EXOC4: variants seen among roughly 807,000 people sequenced by gnomAD.
The protein encoded by EXOC4 is SEC8-like 1.
A neutral mutation model predicts 107.2 loss-of-function variants in EXOC4; 71 were observed. That is an observed-to-expected ratio of 0.66 (90% CI 0.55 to 0.81). The LOEUF (loss-of-function observed/expected upper bound fraction) is 0.81, where lower values mean the gene tolerates loss of function less well. Ranked by LOEUF, EXOC4 falls within the 30% of genes least tolerant of loss-of-function variation. EXOC4 has a pLI of 0.00. For missense variants in EXOC4, 1,108 were observed against 1,189.6 expected (o/e 0.93, Z 1.01); for synonymous variants, 456 against 441.2 (o/e 1.03, Z -0.42).
At position 133,953,444 on chromosome 7, in the gene EXOC4, A is replaced by G. The variant is rs1044000654; in HGVS notation, c.2206+15375A>G. On this transcript the variant is annotated intron_variant, in intron 14 of 17. Transcript: ENST00000253861. ...GAGACCTCATCTCTACAAAAAAGAA[A>G]AAAAAAATTAATTAGCCAGGTGTGG... 2.8e-4 allele frequency among the ~76,000 whole-genome samples: 42 copies of G among 151,828 alleles called. 1 individual carries two copies. The highest frequency in any genetic ancestry group is 9.0e-4 in the African/African-American group (37 of 41,296).
intron 5 of EXOC4, among the ~76,000 whole-genome samples, chr7:133,323,282 C>G (rs1795158006): frequency 6.6e-6 from 1 of 152,172 alleles, no homozygotes; most frequent in Non-Finnish European, 1.5e-5. Flanking sequence ...GCATCGTTTT[C>G]TTGTGCTGGT....
At chr7:133,659,989 T>G (rs1478567450) in intron 10 of EXOC4, among the ~76,000 whole-genome samples, 2 of 152,166 alleles carry the variant, frequency 1.3e-5, no homozygotes, top group African/African-American at 2.4e-5. Context: ...TAGCATCCAT[T>G]TCTCTGAAAC....
At chr7:133,549,646 A>G (rs1464197365) in intron 9 of EXOC4, among the ~76,000 whole-genome samples, 1 of 152,206 alleles carries the variant, frequency 6.6e-6, no homozygotes, top group Non-Finnish European at 1.5e-5. Context: ...GGCTGTTGGA[A>G]AAATGGCACC....
chr7:134,010,785 T>A (rs1458218271), intron 17 of EXOC4, among the ~76,000 whole-genome samples: 2 of 152,262 alleles, frequency 1.3e-5, no homozygotes, highest in African/African-American at 4.8e-5. Context: ...TGTAGTTTTC[T>A]TACCTTCTCA....
At chr7:134,038,380 G>A (rs1195757075) in intron 17 of EXOC4, among the ~76,000 whole-genome samples, 1 of 152,144 alleles carries the variant, frequency 6.6e-6, no homozygotes, top group East Asian at 1.9e-4. Context: ...CCCAAGTGCT[G>A]TATTGATACT....
chr7:133,844,153 G>A (rs1305729875), intron 11 of EXOC4, among the ~76,000 whole-genome samples: 4 of 151,958 alleles, frequency 2.6e-5, no homozygotes, highest in Non-Finnish European at 4.4e-5. Flanking sequence ...CCAGGTTTTG[G>A]TATCAGAATG....
At chr7:133,772,669 A>G (rs1027302338) in intron 10 of EXOC4, among the ~76,000 whole-genome samples, 1 of 152,132 alleles carries the variant, frequency 6.6e-6, no homozygotes, top group Non-Finnish European at 1.5e-5. Flanking sequence ...GGTAGAAACC[A>G]TGTTGAAATC....
At chr7:133,885,303 A>T (rs1431479933) in intron 11 of EXOC4, among the ~76,000 whole-genome samples, 2 of 145,522 alleles carry the variant, frequency 1.4e-5, no homozygotes, top group African/African-American at 5.2e-5. Context: ...ACAGAGTGAG[A>T]CCCCGTCTCA....
At chr7:133,298,855 A>G (rs550522778) in intron 3 of EXOC4, among the ~76,000 whole-genome samples, 2 of 152,324 alleles carry the variant, frequency 1.3e-5, no homozygotes, top group East Asian at 1.9e-4. Context: ...ATACAAGGAT[A>G]CTTATCACAG....
intron 5 of EXOC4, among the ~76,000 whole-genome samples, chr7:133,355,987 C>T (rs892785059): frequency 6.6e-6 from 1 of 152,178 alleles, no homozygotes; most frequent in Non-Finnish European, 1.5e-5. Context: ...AATTCTCTTG[C>T]AGCGCCACAT....
the EXOC4 span, among the ~76,000 whole-genome samples, chr7:134,089,159 C>T: frequency 1.3e-5 from 2 of 152,140 alleles, no homozygotes; most frequent in Admixed American, 6.5e-5. Context: ...CCTTTAACTT[C>T]AGCCAATATG....
At chr7:133,302,901 A>G (rs1211684445) in intron 3 of EXOC4, among the ~76,000 whole-genome samples, 1 of 152,252 alleles carries the variant, frequency 6.6e-6, no homozygotes, top group East Asian at 1.9e-4. Flanking sequence ...AGTAATTTAT[A>G]CAATGACCAC....
chr7:133,668,177 T>C (rs1170758936), intron 10 of EXOC4, among the ~76,000 whole-genome samples: 1 of 152,234 alleles, frequency 6.6e-6, no homozygotes, highest in East Asian at 1.9e-4. Context: ...GCAATGAATA[T>C]AGGCAAGGAA....
intron 10 of EXOC4, among the ~76,000 whole-genome samples, chr7:133,740,656 CCTT>C (rs1184787712): frequency 1.3e-5 from 2 of 152,172 alleles, no homozygotes; most frequent in African/African-American, 4.8e-5. Context: ...AATTATTTGT[CCTT>C]CTAATTAACA....
chr7:133,829,616 C>T (rs114672473), intron 11 of EXOC4, among the ~76,000 whole-genome samples: 2 of 152,282 alleles, frequency 1.3e-5, no homozygotes, highest in East Asian at 3.9e-4. Context: ...CTGACTTTCT[C>T]GGATAAATAT....
chr7:133,448,919 A>C (rs1249770342), intron 7 of EXOC4, among the ~76,000 whole-genome samples: 1 of 152,140 alleles, frequency 6.6e-6, no homozygotes, highest in Non-Finnish European at 1.5e-5. Context: ...AGCCTGGCCA[A>C]CATGGTGAAA....
At chr7:133,388,827 G>A (rs1249171402) in intron 7 of EXOC4, among the ~76,000 whole-genome samples, 2 of 152,010 alleles carry the variant, frequency 1.3e-5, no homozygotes, top group Non-Finnish European at 2.9e-5. Context: ...TAATCTATAA[G>A]TTCCTGCTCC....
At chr7:133,987,605 T>G (rs1056825390) in intron 14 of EXOC4, among the ~76,000 whole-genome samples, 7 of 152,198 alleles carry the variant, frequency 4.6e-5, no homozygotes, top group African/African-American at 1.7e-4. Flanking sequence ...GAAATCATTA[T>G]TATACCAAAA....
At chr7:133,759,873 C>T (rs1041332154) in intron 10 of EXOC4, among the ~76,000 whole-genome samples, 2 of 152,142 alleles carry the variant, frequency 1.3e-5, no homozygotes, top group African/African-American at 4.8e-5. Context: ...GGCCTACTCA[C>T]CTGCTTTCCA....
Sources: allele counts gnomAD v4.1 joint callset (sites outside exome capture counted in the v4.1 genomes callset), GRCh38; gene constraint gnomAD v4.1.1; transcripts MANE v1.5; gene names NCBI Gene and HGNC (gene_info 2026-07-23, HGNC 2026-07-21).